ERICH3: variants seen among roughly 807,000 people sequenced by gnomAD.
ERICH3 encodes glutamate rich 3, also known as glutamate-rich protein 3.
In ERICH3, 126 loss-of-function variants were observed where a neutral mutation model predicts 131.1. The ratio of observed to expected loss-of-function variants is 0.96; its 90% CI spans 0.83 to 1.11. ERICH3 has a LOEUF of 1.11. Among genes scored for constraint, ERICH3 ranks in the 50% most tolerant of loss-of-function variants. The pLI, the probability that ERICH3 is intolerant of heterozygous loss-of-function variation, is 0.00. For missense variants in ERICH3, 2,050 were observed against 1,810.7 expected, an observed-to-expected ratio of 1.13 and a Z score of -2.40; for synonymous variants, 695 against 644.6, an observed-to-expected ratio of 1.08 and a Z score of -1.18.
chr1:74,631,600 C>T (rs1646336774), intron 7 of ERICH3, 113 bp downstream of exon 7: 1 of 839,286 alleles, frequency 1.2e-6, no homozygotes, highest in East Asian at 2.6e-5. Flanking sequence ...TTTCTTTACA[C>T]ACAACGTTTT....
rs1199373714 is a variant in ERICH3, at chr1:74,623,244, C to G, written c.820-2330G>C. On this transcript the variant is annotated intron_variant, in intron 7 of 14. Coordinates refer to ENST00000326665, the MANE Select transcript of ERICH3 (RefSeq NM_001002912.5). Reference sequence around the variant, plus strand: ...CCTTCACCAGTTGCTTATGACTTTCCTTCTCATTTCTTTTCAGATTTCTCA... The same window carrying G: ...CCTTCACCAGTTGCTTATGACTTTCGTTCTCATTTCTTTTCAGATTTCTCA... 2.0e-5 allele frequency: 3 copies of G among 151,648 alleles called. No homozygotes were observed. The East Asian group carries it at 5.8e-4, about 29-fold the overall frequency. 9.4% of individuals were successfully genotyped at this position (151,648 alleles called of 1,614,324 possible).
chr1:74,660,888 A>T (rs866983124), intron 1 of ERICH3, among the ~76,000 whole-genome samples: 43 of 152,066 alleles, frequency 2.8e-4, no homozygotes, highest in South Asian at 2.1e-3. Flanking sequence ...GCAAATTTTT[A>T]AAAAACTCTC....
At chr1:74,661,973 A>C (rs1225816786) in intron 1 of ERICH3, among the ~76,000 whole-genome samples, 1 of 152,162 alleles carries the variant, frequency 6.6e-6, no homozygotes, top group Non-Finnish European at 1.5e-5. Flanking sequence ...AAGAGAAAAA[A>C]GTGGGAAAGA....
At chr1:74,576,802 A>C in intron 13 of ERICH3, 93 bp downstream of exon 13, 1 of 1,096,176 alleles carries the variant, frequency 9.1e-7, no homozygotes, top group Non-Finnish European at 1.3e-6. Context: ...TAGAAAGCCT[A>C]GTGATTTCAA....
intron 11 of ERICH3, among the ~76,000 whole-genome samples, chr1:74,598,131 C>T (rs967032819): frequency 1.7e-4 from 26 of 151,882 alleles, no homozygotes; most frequent in Non-Finnish European, 1.9e-4. Flanking sequence ...GTAGCTTTCT[C>T]TCTTTCTCCC....
chr1:74,615,183 T>A (rs928356621), intron 8 of ERICH3: 2 of 152,182 alleles, frequency 1.3e-5, no homozygotes, highest in Non-Finnish European at 2.9e-5. Flanking sequence ...CCTTTGTTAC[T>A]TATTTTTGTA....
intron 1 of ERICH3, among the ~76,000 whole-genome samples, chr1:74,664,504 A>G (rs550956024): frequency 6.6e-6 from 1 of 152,296 alleles, no homozygotes; most frequent in Non-Finnish European, 1.5e-5. Flanking sequence ...CAAATATAAA[A>G]TATTACAATC....
At chr1:74,665,998 A>G (rs1646688548) in intron 1 of ERICH3, among the ~76,000 whole-genome samples, 2 of 152,144 alleles carry the variant, frequency 1.3e-5, no homozygotes, top group Non-Finnish European at 2.9e-5. Context: ...AACCCAAAAT[A>G]CCATAACTTG....
intron 9 of ERICH3, among the ~76,000 whole-genome samples, chr1:74,607,563 T>C (rs1301577434): frequency 1.3e-5 from 2 of 151,986 alleles, no homozygotes; most frequent in African/African-American, 2.4e-5. Context: ...ACTGTCATTA[T>C]TGCTTTTAGA....
intron 8 of ERICH3, 21 bp downstream of exon 8, chr1:74,620,713 A>C (rs1557686913): frequency 6.4e-7 from 1 of 1,555,744 alleles, no homozygotes; most frequent in Admixed American, 2.0e-5. Flanking sequence ...CAATTAAAAA[A>C]CATTCACATT....
At chr1:74,648,897 T>G (rs1646507568) in intron 2 of ERICH3, among the ~76,000 whole-genome samples, 2 of 152,116 alleles carry the variant, frequency 1.3e-5, no homozygotes, top group Non-Finnish European at 2.9e-5. Context: ...CTTCTCTATC[T>G]TCAATTCCTA....
intron 3 of ERICH3, among the ~76,000 whole-genome samples, chr1:74,643,367 A>C (rs1646452794): frequency 6.6e-6 from 1 of 152,130 alleles, no homozygotes; most frequent in South Asian, 2.1e-4. Flanking sequence ...AAATCTAAGT[A>C]ATTTTAAAAA....
chr1:74,641,662 C>G (rs1646438894), intron 4 of ERICH3, among the ~76,000 whole-genome samples: 2 of 152,024 alleles, frequency 1.3e-5, no homozygotes, highest in South Asian at 4.1e-4. Flanking sequence ...ACTGCAAAAG[C>G]AGTGTATCCT....
In ERICH3 at chr1:74,571,681, T is replaced by C; in HGVS notation, c.4029A>G (p.Leu1343=). Residue 1343 remains leucine (L), a synonymous_variant, in exon 14 of 15, where the codon CTA becomes CTG. Transcript: ENST00000326665. ...GGGRVVAVEV[L]HGGGETAETA... is the part of the protein sequence containing the mutation. Reference sequence around the variant, plus strand: ...TTTCTGCCGTTTCACCACCTCCGTGTAGAACTTCCACAGCCACAACCCTTC... The same window carrying C: ...TTTCTGCCGTTTCACCACCTCCGTGCAGAACTTCCACAGCCACAACCCTTC... 6.2e-7 allele frequency: 1 copy of C among 1,614,130 alleles called. No individual in the cohort carries two copies. Among genetic ancestry groups the C allele is most frequent in the Non-Finnish European group, 8.5e-7 (1 of 1,180,014 alleles).
intron 7 of ERICH3, among the ~76,000 whole-genome samples, chr1:74,628,518 G>C (rs1252132383): frequency 6.6e-6 from 1 of 151,926 alleles, no homozygotes; most frequent in Non-Finnish European, 1.5e-5. Flanking sequence ...AATACAAATA[G>C]CATACAAAAT....
chr1:74,580,201 A>G (rs1647153072), intron 12 of ERICH3, among the ~76,000 whole-genome samples: 1 of 152,098 alleles, frequency 6.6e-6, no homozygotes, highest in Non-Finnish European at 1.5e-5. Flanking sequence ...GATTCTTACT[A>G]AAGGTAGCCC....
At chr1:74,635,736 A>C (rs1018900981) in intron 6 of ERICH3, among the ~76,000 whole-genome samples, 78 of 152,248 alleles carry the variant, frequency 5.1e-4, no homozygotes, top group African/African-American at 1.9e-3. Context: ...ATTATCTGAG[A>C]TATAACCTTG....
chr1:74,605,439 A>G (rs1648339608), intron 10 of ERICH3, among the ~76,000 whole-genome samples: 1 of 151,852 alleles, frequency 6.6e-6, no homozygotes, highest in Admixed American at 6.6e-5. Context: ...ACTGCTTGGC[A>G]CAAGTGGCCT....
intron 9 of ERICH3, among the ~76,000 whole-genome samples, chr1:74,612,040 A>G (rs1227768290): frequency 6.6e-6 from 1 of 152,168 alleles, no homozygotes; most frequent in Non-Finnish European, 1.5e-5. Flanking sequence ...CACAAGCAAG[A>G]CTCCTGATTT....
Sources: allele counts gnomAD v4.1 joint callset (sites outside exome capture counted in the v4.1 genomes callset), GRCh38; gene constraint gnomAD v4.1.1; transcripts MANE v1.5; gene names NCBI Gene and HGNC (gene_info 2026-07-23, HGNC 2026-07-21).